The following CALN1 variants were observed in gnomAD, a reference collection of about 807,000 sequenced individuals.
CALN1 encodes the protein calcium-binding protein 8.
Under a neutral mutation model 30.6 loss-of-function variants are expected in CALN1, and 17 were observed. The observed-to-expected ratio is 0.56, with a 90% CI of 0.38 to 0.83. The LOEUF is 0.83. Ranked by LOEUF, CALN1 falls within the 40% of genes least tolerant of loss-of-function variation. The pLI, the probability that CALN1 is intolerant of heterozygous loss-of-function variation, is 0.00. For synonymous variants in CALN1, 156 were observed against 131.4 expected (o/e 1.19, Z -1.28); for missense variants, 291 against 354.9 (o/e 0.82, Z 1.45).
At chr7:72,480,445 C>T in the CALN1 span, among the ~76,000 whole-genome samples, 205 of 152,206 alleles carry the variant, frequency 1.3e-3, no homozygotes, top group Non-Finnish European at 2.3e-3. Context: ...TATATACTTG[C>T]GGGATATTGG....
chr7:72,280,408 T>C (rs140324595), intron 2 of CALN1, among the ~76,000 whole-genome samples: 6 of 152,332 alleles, frequency 3.9e-5, no homozygotes, highest in African/African-American at 1.4e-4. Context: ...ACAAAGGGTA[T>C]ATGCATTTGC....
At chr7:72,299,802 T>C (rs1799130720) in intron 2 of CALN1, among the ~76,000 whole-genome samples, 1 of 151,726 alleles carries the variant, frequency 6.6e-6, no homozygotes. Context: ...CCCAAAGTGC[T>C]AGCATTACAG....
intron 5 of CALN1, among the ~76,000 whole-genome samples, chr7:71,977,331 A>T (rs1280169573): frequency 6.6e-6 from 1 of 152,162 alleles, no homozygotes; most frequent in African/African-American, 2.4e-5. Flanking sequence ...GGAACTTGGG[A>T]GGCTGAGGTG....
At chr7:72,498,249 C>T in the CALN1 span, among the ~76,000 whole-genome samples, 8 of 151,886 alleles carry the variant, frequency 5.3e-5, no homozygotes, top group South Asian at 2.1e-4. Flanking sequence ...GGAATAGAAT[C>T]GAGAATTTTT....
intron 4 of CALN1, among the ~76,000 whole-genome samples, chr7:72,050,058 A>T (rs1431544419): frequency 6.6e-6 from 1 of 151,702 alleles, no homozygotes; most frequent in Non-Finnish European, 1.5e-5. Flanking sequence ...ACCACAAATG[A>T]TCCTCCTGCC....
intron 2 of CALN1, among the ~76,000 whole-genome samples, chr7:72,393,043 T>C (rs1356833801): frequency 6.6e-6 from 1 of 151,962 alleles, no homozygotes; most frequent in Non-Finnish European, 1.5e-5. Context: ...TTAGATGAAT[T>C]CAGTCTCTCT....
intron 2 of CALN1, among the ~76,000 whole-genome samples, chr7:72,401,795 G>A (rs772215085): frequency 3.3e-5 from 5 of 152,226 alleles, no homozygotes; most frequent in Non-Finnish European, 5.9e-5. Flanking sequence ...AGATCTAGAG[G>A]TAGGCAAATA....
intron 4 of CALN1, among the ~76,000 whole-genome samples, chr7:72,058,527 C>G (rs1468369073): frequency 6.6e-6 from 1 of 151,866 alleles, no homozygotes; most frequent in East Asian, 1.9e-4. Context: ...CCATGTTGGT[C>G]AGGCTGATCT....
At chr7:72,360,901 G>A (rs893729443) in intron 2 of CALN1, among the ~76,000 whole-genome samples, 34 of 151,410 alleles carry the variant, frequency 2.2e-4, no homozygotes, top group African/African-American at 7.3e-4. Context: ...GTTAATTTCT[G>A]TTTTTATTAG....
chr7:72,250,451 C>A (rs1003070755), intron 3 of CALN1, among the ~76,000 whole-genome samples: 4 of 152,148 alleles, frequency 2.6e-5, no homozygotes, highest in African/African-American at 9.7e-5. Flanking sequence ...TAGCCTGGCT[C>A]CTGCACCCGT....
chr7:71,846,442 C>G lies in CALN1; in HGVS notation c.502-35950G>C, dbSNP rs56925107. Among the ~76,000 whole-genome samples, 90 of 152,170 alleles carry G rather than the reference C, an allele frequency of 5.9e-4. 1 individual carries two copies. The highest frequency in any genetic ancestry group is 2.0e-3 in the African/African-American group (84 of 41,510). ...AGTTTTCTGCTGAGCAGGAAAGGCACCAAACACTGCTCCTTGGGAAGCTGT... is the reference window on the plus strand; with the variant it reads ...AGTTTTCTGCTGAGCAGGAAAGGCAGCAAACACTGCTCCTTGGGAAGCTGT... On this transcript the variant is annotated intron_variant, in intron 5 of 6. Coordinates refer to ENST00000395275, the MANE Select transcript of CALN1 (RefSeq NM_031468.4).
At chr7:72,271,575 A>ATATATATATATATATAT (rs1554345806) in intron 3 of CALN1, among the ~76,000 whole-genome samples, 6 of 52,132 alleles carry the variant, frequency 1.2e-4, no homozygotes, top group African/African-American at 6.7e-4. Context: ...AAAAAAAAAA[A>ATATATATATATATATAT]ATATATATAT....
chr7:72,126,672 T>C (rs1024757981), intron 3 of CALN1, among the ~76,000 whole-genome samples: 5 of 152,088 alleles, frequency 3.3e-5, no homozygotes, highest in African/African-American at 1.2e-4. Flanking sequence ...TGCATCCTCA[T>C]AGCTTAGCTC....
intron 5 of CALN1, among the ~76,000 whole-genome samples, chr7:71,837,889 A>G (rs1789714022): frequency 6.6e-6 from 1 of 152,296 alleles, no homozygotes; most frequent in East Asian, 1.9e-4. Flanking sequence ...CCCATATTAC[A>G]TAAGCAAAGA....
At chr7:72,451,253 A>AGAG (rs35134740), upstream of CALN1, among the ~76,000 whole-genome samples, 33,401 of 129,074 alleles carry the variant, frequency 0.26, 5,015 homozygotes, top group African/African-American at 0.4. Context: ...AAGAGGAGGA[A>AGAG]GAGGAGGAGG....
At chr7:72,460,626 A>G in the CALN1 span, among the ~76,000 whole-genome samples, 1 of 152,090 alleles carries the variant, frequency 6.6e-6, no homozygotes, top group Admixed American at 6.6e-5. Flanking sequence ...ATTGAGACTC[A>G]GTCTCAAAAA....
At chr7:72,068,450 T>C (rs972028290) in intron 4 of CALN1, among the ~76,000 whole-genome samples, 24 of 152,170 alleles carry the variant, frequency 1.6e-4, no homozygotes, top group Admixed American at 1.4e-3. Context: ...TCATGGCTTA[T>C]TGACCTAAAC....
intron 5 of CALN1, among the ~76,000 whole-genome samples, chr7:71,843,481 G>C (rs1335561037): frequency 6.6e-6 from 1 of 152,096 alleles, no homozygotes; most frequent in African/African-American, 2.4e-5. Context: ...AAAATAGCCA[G>C]GCATGGTAGT....
chr7:72,500,283 T>TTTTTTC, the CALN1 span, among the ~76,000 whole-genome samples: 1 of 107,788 alleles, frequency 9.3e-6, no homozygotes, highest in East Asian at 2.8e-4. Flanking sequence ...TTTTTTTTTT[T>TTTTTTC]TTTTTTTTTT....
Sources: gnomAD v4.1 joint callset for allele counts (sites outside exome capture counted in the v4.1 genomes callset) on GRCh38, gnomAD v4.1.1 for gene constraint, MANE v1.5 for transcripts, NCBI Gene and HGNC (gene_info 2026-07-23, HGNC 2026-07-21) for gene names.